Variants in SNX13 observed in about 807,000 individuals in gnomAD.
The protein encoded by SNX13 is sorting nexin 13.
Under a neutral mutation model 133.6 loss-of-function variants are expected in SNX13, and 45 were observed. The ratio of observed to expected loss-of-function variants is 0.34; its 90% CI spans 0.27 to 0.43. The LOEUF (loss-of-function observed/expected upper bound fraction) is 0.43. SNX13 is among the 20% of genes least tolerant of loss of function. SNX13 has a pLI of 1.00. For synonymous variants in SNX13, 414 were observed against 373.9 expected (o/e 1.11, Z -1.24); for missense variants, 1,032 against 1,145.1 (o/e 0.90, Z 1.43).
Position 17,791,263 on chromosome 7 carries a change from T to C in SNX13, c.*2782A>G, listed in dbSNP as rs1166770070. ...TTAGATTGTGAAATTTATATCATTC[T>C]TAATTTTTATAAAAATTGGTACACT... is the stretch of plus-strand genomic sequence containing the variant. On this transcript the variant is annotated 3_prime_UTR_variant, in exon 26 of 26. Transcript: ENST00000428135. The C allele has an allele frequency of 6.6e-6, 1 of 151,980 alleles. No individual in the cohort carries two copies. The highest frequency in any genetic ancestry group is 1.5e-5 in the Non-Finnish European group (1 of 67,880). The allele number at this position is 151,980 out of a possible 1,614,324, so 9.4% of individuals were successfully genotyped here. A position where few individuals can be genotyped will look rare whatever the true frequency, so the allele number is the denominator to read the frequency against.
chr7:17,843,292 T>C (rs1179356363), intron 12 of SNX13, among the ~76,000 whole-genome samples: 1 of 152,048 alleles, frequency 6.6e-6, no homozygotes, highest in Non-Finnish European at 1.5e-5. Context: ...TACACTAGTA[T>C]CAGCTGAAAT....
At chr7:17,893,286 G>A in intron 3 of SNX13, 46 bp downstream of exon 3, 1 of 1,292,208 alleles carries the variant, frequency 7.7e-7, no homozygotes, top group Non-Finnish European at 1.1e-6. Context: ...TATTATCATT[G>A]CAAAGAACTG....
intron 9 of SNX13, among the ~76,000 whole-genome samples, chr7:17,854,493 G>A (rs1791647474): frequency 6.6e-6 from 1 of 152,064 alleles, no homozygotes; most frequent in Non-Finnish European, 1.5e-5. Context: ...AAGTTTTCTA[G>A]CAACGCTGTG....
At chr7:17,874,033 C>G (rs1418490012) in intron 7 of SNX13, among the ~76,000 whole-genome samples, 3 of 151,816 alleles carry the variant, frequency 2.0e-5, no homozygotes, top group East Asian at 3.9e-4. Context: ...CAGGCTATAA[C>G]AAAGGAAAAA....
chr7:17,887,669 C>T (rs375861223), intron 5 of SNX13, among the ~76,000 whole-genome samples: 111 of 152,266 alleles, frequency 7.3e-4, no homozygotes, highest in African/African-American at 2.4e-3. Context: ...TCAACAGCTT[C>T]GGACTCAAAA....
intron 9 of SNX13, among the ~76,000 whole-genome samples, chr7:17,852,615 T>A (rs1791364241): frequency 6.6e-6 from 1 of 152,042 alleles, no homozygotes; most frequent in African/African-American, 2.4e-5. Context: ...GTAAAAAAAA[T>A]AAGCAGGAGT....
chr7:17,813,633 C>G (rs1786314648), intron 20 of SNX13, among the ~76,000 whole-genome samples: 2 of 149,918 alleles, frequency 1.3e-5, no homozygotes, highest in Admixed American at 6.7e-5. Flanking sequence ...CTCACACAGG[C>G]TGGAGTGCAG....
chr7:17,808,818 A>AG (rs928188502), intron 20 of SNX13, among the ~76,000 whole-genome samples: 8 of 152,220 alleles, frequency 5.3e-5, no homozygotes, highest in Non-Finnish European at 1.0e-4. Flanking sequence ...CTTAAAAAAA[A>AG]AGAATTCTCA....
chr7:17,822,529 A>C (rs1245145440), intron 17 of SNX13, among the ~76,000 whole-genome samples: 1 of 151,960 alleles, frequency 6.6e-6, no homozygotes, highest in African/African-American at 2.4e-5. Context: ...TTCTTGTCTT[A>C]GTATTTCTCT....
At position 17,814,822 on chromosome 7, in the gene SNX13, C is replaced by G; in HGVS notation, c.2064+12G>C. ...CTAGAAAGAAACCCAGTGCAGTGGTCTGCTTACTTACCTTGCGAGCAAAAT... is the reference window on the plus strand; with the variant it reads ...CTAGAAAGAAACCCAGTGCAGTGGTGTGCTTACTTACCTTGCGAGCAAAAT... On this transcript the variant is annotated intron_variant, in intron 20 of 25. Transcript: ENST00000428135. 1 of 1,509,788 alleles carries G rather than the reference C, an allele frequency of 6.6e-7. No individual in the cohort carries two copies. Among genetic ancestry groups the G allele is most frequent in the East Asian group, 2.6e-5 (1 of 38,622 alleles). 93.5% of individuals were successfully genotyped at this position (1,509,788 alleles called of 1,614,324 possible). A position where few individuals can be genotyped will look rare whatever the true frequency, so the allele number is the denominator to read the frequency against.
At chr7:17,903,058 C>T (rs1798012718) in intron 1 of SNX13, among the ~76,000 whole-genome samples, 1 of 152,194 alleles carries the variant, frequency 6.6e-6, no homozygotes, top group African/African-American at 2.4e-5. Context: ...AGGTTGGGAA[C>T]TGCTACTTTA....
intron 20 of SNX13, among the ~76,000 whole-genome samples, chr7:17,810,424 A>C (rs534389480): frequency 7.2e-5 from 11 of 152,184 alleles, no homozygotes; most frequent in Non-Finnish European, 1.2e-4. Flanking sequence ...ACCAAGAAGA[A>C]GTCGAATCCC....
chr7:17,816,317 CT>C (rs1287372630), intron 18 of SNX13, 28 bp from the exon 19 acceptor site: 1 of 1,518,100 alleles, frequency 6.6e-7, no homozygotes, highest in South Asian at 1.3e-5. Context: ...TTCAATAGCA[CT>C]TTTTATAAAG....
chr7:17,860,610 T>C (rs1430376344), intron 9 of SNX13, among the ~76,000 whole-genome samples: 1 of 152,228 alleles, frequency 6.6e-6, no homozygotes, highest in Non-Finnish European at 1.5e-5. Flanking sequence ...TTCAGATCTT[T>C]AATCCATTTT....
chr7:17,936,272 A>C (rs1802011698), intron 1 of SNX13, among the ~76,000 whole-genome samples: 1 of 152,240 alleles, frequency 6.6e-6, no homozygotes. Context: ...CCTTTTACTT[A>C]ACAACTATTA....
At chr7:17,805,300 C>T (rs928988191) in intron 20 of SNX13, among the ~76,000 whole-genome samples, 1 of 144,226 alleles carries the variant, frequency 6.9e-6, no homozygotes, top group African/African-American at 2.5e-5. Context: ...ATTCTATATA[C>T]TGTAGTTTTT....
intron 20 of SNX13, among the ~76,000 whole-genome samples, chr7:17,806,181 T>C (rs75391969): frequency 6.8e-6 from 1 of 147,278 alleles, no homozygotes; most frequent in Non-Finnish European, 1.5e-5. Flanking sequence ...AACTTAAATT[T>C]AGATCTCTAA....
At chr7:17,857,050 G>A (rs1791996695) in intron 9 of SNX13, among the ~76,000 whole-genome samples, 1 of 151,842 alleles carries the variant, frequency 6.6e-6, no homozygotes, top group African/African-American at 2.4e-5. Context: ...AGATGAAAAT[G>A]GATATACTAC....
intron 5 of SNX13, among the ~76,000 whole-genome samples, chr7:17,876,587 A>G (rs1794756257): frequency 6.6e-6 from 1 of 151,888 alleles, no homozygotes; most frequent in Non-Finnish European, 1.5e-5. Flanking sequence ...AAAAAAAAAA[A>G]AAAGCCTTAA....
Sources: gnomAD v4.1 joint callset for allele counts (sites outside exome capture counted in the v4.1 genomes callset) on GRCh38, gnomAD v4.1.1 for gene constraint, MANE v1.5 for transcripts, NCBI Gene and HGNC (gene_info 2026-07-23, HGNC 2026-07-21) for gene names.